Variants in MCC observed in about 807,000 individuals in gnomAD.
MCC encodes colorectal mutant cancer protein.
Under a neutral mutation model 116.2 loss-of-function variants are expected in MCC, and 90 were observed. The ratio of observed to expected loss-of-function variants is 0.77; its 90% CI spans 0.65 to 0.92. The LOEUF is 0.92. Among genes scored for constraint, MCC ranks in the 40% least tolerant of loss-of-function variants. The probability of loss-of-function intolerance (pLI) is 0.00; values close to 1 mark genes in which losing one functional copy is unlikely to be tolerated. For synonymous variants in MCC, 578 were observed against 510.5 expected (o/e 1.13, Z -1.78); for missense variants, 1,516 against 1,312.2 (o/e 1.16, Z -2.40).
chr5:113,189,467 T>C (rs1488756480), intron 3 of MCC, among the ~76,000 whole-genome samples: 1 of 152,230 alleles, frequency 6.6e-6, no homozygotes, highest in Non-Finnish European at 1.5e-5. Flanking sequence ...AAGCCCATTT[T>C]ACAGGTAGCA....
At chr5:113,177,812 T>C (rs1188712406) in intron 3 of MCC, among the ~76,000 whole-genome samples, 1 of 152,218 alleles carries the variant, frequency 6.6e-6, no homozygotes, top group African/African-American at 2.4e-5. Context: ...TCTTCATATT[T>C]GTAGTTTTAA....
chr5:113,234,378 A>G (rs1764055715), intron 3 of MCC: 1 of 152,174 alleles, frequency 6.6e-6, no homozygotes, highest in Non-Finnish European at 1.5e-5. Flanking sequence ...TCATGATCCT[A>G]GCAAGCCAAG....
rs535161400 is a variant in MCC at position 113,188,140 on chromosome 5, A to C, written c.628-36718T>G. ...GAAGCAAGGACCTCAGATGGTACTG[A>C]AACAACGAATATAGCCTATATCAAT... On this transcript the variant is annotated intron_variant, in intron 3 of 18. Coordinates refer to ENST00000408903, the MANE Select transcript of MCC (RefSeq NM_001085377.2). Among the ~76,000 whole-genome samples the C allele has an allele frequency of 1.2e-4, 19 of 152,358 alleles. 1 individual carries two copies. The highest frequency in any genetic ancestry group is 4.6e-4 in the African/African-American group (19 of 41,580).
chr5:113,426,244 CAGGTTG>C (rs1332638030), intron 1 of MCC, among the ~76,000 whole-genome samples: 1 of 152,126 alleles, frequency 6.6e-6, no homozygotes, highest in Non-Finnish European at 1.5e-5. Flanking sequence ...GGATCACGCT[CAGGTTG>C]AGGCTGGCAG....
At position 113,434,380 on chromosome 5, in the gene MCC, C is replaced by T. The variant is rs748523386; in HGVS notation, c.171-49168G>A. 15 of 1,613,732 alleles carry T rather than the reference C, an allele frequency of 9.3e-6. No homozygotes were observed. The highest frequency in any genetic ancestry group is 1.2e-5 in the Non-Finnish European group (14 of 1,179,962). ...AGGCAGCGCTTGGAGAAGCTGAAGT[C>T]GGACAGCTTGATGTTGAAGTCCTTG... On this transcript the variant is annotated intron_variant, in intron 1 of 18. Coordinates refer to ENST00000408903, the MANE Select transcript of MCC (RefSeq NM_001085377.2). The surrounding 1 kb of genome is among the most constrained non-coding windows in gnomAD (Gnocchi z 4.2).
rs759268743 is a variant in MCC at position 113,063,986 on chromosome 5, G to C, written c.2211C>G (p.Thr737=). Residue 737 remains threonine, a splice_region_variant and synonymous_variant, in exon 14 of 19, where the codon ACC becomes ACG. Coordinates refer to ENST00000408903, the MANE Select transcript of MCC (RefSeq NM_001085377.2). Reference sequence around the variant, plus strand: ...CAGAGCAGAAGGCTGAGCATTACCTGGTGTGGCTGTTGGAGGAAAGGCTCT... The same window carrying C: ...CAGAGCAGAAGGCTGAGCATTACCTCGTGTGGCTGTTGGAGGAAAGGCTCT... ...PWESLSSNSH[T]STTSSTASSC... The C allele has an allele frequency of 6.2e-7, 1 of 1,611,682 alleles. No individual in the cohort carries two copies. Among genetic ancestry groups the C allele is most frequent in the Middle Eastern group, 1.9e-4 (1 of 5,256 alleles).
intron 6 of MCC, among the ~76,000 whole-genome samples, chr5:113,113,380 T>C (rs894960055): frequency 3.3e-5 from 5 of 151,830 alleles, no homozygotes; most frequent in Non-Finnish European, 5.9e-5. Context: ...CAAAGTAACA[T>C]AGAAAATTAG....
Position 113,466,526 on chromosome 5 carries a change from T to C in MCC, c.170+21719A>G, listed in dbSNP as rs186901548. On this transcript the variant is annotated intron_variant, in intron 1 of 18. Coordinates refer to ENST00000408903, the MANE Select transcript of MCC (RefSeq NM_001085377.2). ...AAGGACACAAACTCATCATTTTTTA[T>C]GGCTGCATAGTATTCCATGGTGTAT... Among the ~76,000 whole-genome samples the C allele has an allele frequency of 1.0e-3, 155 of 152,262 alleles. 1 individual carries two copies. In the East Asian group the frequency reaches 0.026, roughly 26 times the overall value.
At chr5:113,126,293 C>CT (rs1758048380) in intron 5 of MCC, among the ~76,000 whole-genome samples, 1 of 152,134 alleles carries the variant, frequency 6.6e-6, no homozygotes, top group African/African-American at 2.4e-5. Context: ...GGCTGGCAGA[C>CT]TGGAAGGGAT....
At chr5:113,452,836 C>T (rs1191171940) in intron 1 of MCC, among the ~76,000 whole-genome samples, 1 of 152,176 alleles carries the variant, frequency 6.6e-6, no homozygotes, top group African/African-American at 2.4e-5. Context: ...CATTTGGTCT[C>T]AGGTGATGTT....
At chr5:113,032,372 C>T (rs898179216) in intron 17 of MCC, among the ~76,000 whole-genome samples, 4 of 143,502 alleles carry the variant, frequency 2.8e-5, no homozygotes, top group Admixed American at 7.3e-5. Flanking sequence ...CGCGCCACTG[C>T]GCTCCAACCT....
At chr5:113,403,433 G>A (rs27566) in intron 1 of MCC, among the ~76,000 whole-genome samples, 95,303 of 152,102 alleles carry the variant, frequency 0.63, 32,547 homozygotes, top group African/African-American at 0.91. Context: ...AACTAACCAC[G>A]ATCACATATT....
chr5:113,266,897 G>A (rs981563076), intron 3 of MCC, among the ~76,000 whole-genome samples: 5 of 152,056 alleles, frequency 3.3e-5, no homozygotes, highest in Non-Finnish European at 7.4e-5. Context: ...CAGGGATCCA[G>A]GTCACATTTC....
intron 11 of MCC, among the ~76,000 whole-genome samples, chr5:113,079,601 C>T (rs1416639637): frequency 2.0e-5 from 3 of 152,134 alleles, no homozygotes; most frequent in Non-Finnish European, 4.4e-5. Flanking sequence ...AACTGGCTAG[C>T]CATATGTAGA....
At chr5:113,118,788 G>A (rs1164369268) in intron 6 of MCC, among the ~76,000 whole-genome samples, 3 of 152,220 alleles carry the variant, frequency 2.0e-5, no homozygotes. Flanking sequence ...GAGGGAGACA[G>A]CCAGTTCCGA....
At chr5:113,159,316 A>C (rs1373530299) in intron 3 of MCC, among the ~76,000 whole-genome samples, 1 of 152,158 alleles carries the variant, frequency 6.6e-6, no homozygotes, top group Non-Finnish European at 1.5e-5. Flanking sequence ...AATCTGCTGA[A>C]GCTCAAATAT....
chr5:113,237,762 G>C (rs1764186638), intron 3 of MCC, among the ~76,000 whole-genome samples: 2 of 152,186 alleles, frequency 1.3e-5, no homozygotes, highest in African/African-American at 2.4e-5. Flanking sequence ...AACTTGCAAG[G>C]CTCTCATAGA....
intron 2 of MCC, among the ~76,000 whole-genome samples, chr5:113,367,823 G>A (rs2150387818): frequency 6.6e-6 from 1 of 152,224 alleles, no homozygotes; most frequent in Non-Finnish European, 1.5e-5. Flanking sequence ...CTTGAGTAAT[G>A]GGCCACCTGG....
intron 1 of MCC, among the ~76,000 whole-genome samples, chr5:113,390,002 C>T (rs908144168): frequency 1.3e-5 from 2 of 152,032 alleles, no homozygotes; most frequent in Admixed American, 6.5e-5. Context: ...GAAAGTTTTT[C>T]AGAGGAAGAG....
Sources: allele counts gnomAD v4.1 joint callset (sites outside exome capture counted in the v4.1 genomes callset), GRCh38; gene constraint gnomAD v4.1.1; non-coding constraint Gnocchi (gnomAD v3.1); transcripts MANE v1.5; gene names NCBI Gene and HGNC (gene_info 2026-07-23, HGNC 2026-07-21).